CCSER1: variants seen among roughly 807,000 people sequenced by gnomAD.
CCSER1 encodes the protein serine-rich coiled-coil domain-containing protein 1.
CCSER1 carries 41 observed loss-of-function variants against 82.0 expected under a neutral mutation model. That is an observed-to-expected ratio of 0.50 (90% CI 0.39 to 0.65). The LOEUF (loss-of-function observed/expected upper bound fraction) is 0.65. Among genes scored for constraint, CCSER1 ranks in the 30% least tolerant of loss-of-function variants. The probability of loss-of-function intolerance (pLI) is 0.00; values close to 1 mark genes in which losing one functional copy is unlikely to be tolerated. For missense variants in CCSER1, 1,119 were observed against 1,064.2 expected (o/e 1.05, Z -0.72); for synonymous variants, 414 against 383.9 (o/e 1.08, Z -0.92).
chr4:91,088,808 T>C (rs992399107), intron 10 of CCSER1, among the ~76,000 whole-genome samples: 56 of 152,310 alleles, frequency 3.7e-4, no homozygotes, highest in African/African-American at 1.3e-3. Context: ...TTGCAACTCA[T>C]AGAAAAACCT....
intron 5 of CCSER1, among the ~76,000 whole-genome samples, chr4:90,622,035 T>C (rs1722414101): frequency 6.6e-6 from 1 of 152,242 alleles, no homozygotes; most frequent in Admixed American, 6.5e-5. Flanking sequence ...TACTGTAATA[T>C]GTTTTAAAAT....
chr4:90,276,247 TTTCTTTCCTTCCTTCC>T (rs1471941641), intron 1 of CCSER1, among the ~76,000 whole-genome samples: 293 of 99,114 alleles, frequency 3.0e-3, no homozygotes, highest in Middle Eastern at 9.9e-3. Flanking sequence ...TCTTTCTTTC[TTTCTTTCCTTCCTTCC>T]TTCCTTCCTT....
intron 6 of CCSER1, among the ~76,000 whole-genome samples, chr4:90,704,111 C>A (rs538480177): frequency 6.6e-6 from 1 of 152,294 alleles, no homozygotes; most frequent in South Asian, 2.1e-4. Flanking sequence ...GTGGCTGGTA[C>A]CGGTTGTTCC....
intron 6 of CCSER1, among the ~76,000 whole-genome samples, chr4:90,689,243 A>T (rs1282272566): frequency 1.3e-5 from 2 of 152,094 alleles, no homozygotes; most frequent in African/African-American, 4.8e-5. Flanking sequence ...GGGAAGCAGG[A>T]TTCATCCTCT....
intron 5 of CCSER1, among the ~76,000 whole-genome samples, chr4:90,601,838 T>C (rs963609020): frequency 5.3e-5 from 8 of 152,136 alleles, no homozygotes; most frequent in African/African-American, 1.9e-4. Context: ...ATGTTATTTT[T>C]TCCCAGCAGT....
At chr4:90,757,820 A>G (rs147109609) in intron 7 of CCSER1, among the ~76,000 whole-genome samples, 2 of 151,984 alleles carry the variant, frequency 1.3e-5, no homozygotes, top group Non-Finnish European at 2.9e-5. Context: ...AAATCTCAAT[A>G]TTTACTTTTA....
intron 10 of CCSER1, among the ~76,000 whole-genome samples, chr4:91,120,536 C>T (rs1302867253): frequency 6.6e-6 from 1 of 151,942 alleles, no homozygotes; most frequent in East Asian, 1.9e-4. Flanking sequence ...CAGAGGAAAG[C>T]TAAAACATGG....
intron 1 of CCSER1, among the ~76,000 whole-genome samples, chr4:90,156,006 A>C (rs1413328340): frequency 6.6e-6 from 1 of 151,774 alleles, no homozygotes; most frequent in Non-Finnish European, 1.5e-5. Context: ...TCTTGTGGGC[A>C]TTTAGTGCTA....
chr4:90,788,019 C>T (rs1397150832), intron 7 of CCSER1, among the ~76,000 whole-genome samples: 4 of 152,148 alleles, frequency 2.6e-5, no homozygotes, highest in African/African-American at 9.7e-5. Flanking sequence ...AAAATATGCA[C>T]AGATAAGGGT....
At position 91,011,777 on chromosome 4, in the gene CCSER1, G is replaced by T. The variant is rs1056259959; in HGVS notation, c.2173-74173G>T. Among the ~76,000 whole-genome samples, 7 of 134,444 alleles carry T rather than the reference G, an allele frequency of 5.2e-5. 1 individual carries two copies. The highest frequency in any genetic ancestry group is 5.2e-4 in the Admixed American group (7 of 13,564). 88.2% of individuals were successfully genotyped at this position (134,444 alleles called of 152,430 possible). On this transcript the variant is annotated intron_variant, in intron 9 of 10. Coordinates refer to ENST00000509176, the MANE Select transcript of CCSER1 (RefSeq NM_001145065.2). ...TGAGGCACTGTGTAGTGGTGACTCT[G>T]GGCCCTAGGATGGTGGGACTGAGCA...
chr4:91,070,704 T>C (rs944640221), intron 9 of CCSER1, among the ~76,000 whole-genome samples: 1 of 152,132 alleles, frequency 6.6e-6, no homozygotes, highest in Non-Finnish European at 1.5e-5. Context: ...TGCCTGATGA[T>C]CTGAGGTTGA....
chr4:91,202,065 A>C (rs62310737), intron 10 of CCSER1, among the ~76,000 whole-genome samples: 8,239 of 151,886 alleles, frequency 0.054, 441 homozygotes, highest in African/African-American at 0.14. Flanking sequence ...TTTTTGTCTC[A>C]TAAATGCAAT....
At chr4:90,475,570 C>T (rs559424237) in intron 5 of CCSER1, among the ~76,000 whole-genome samples, 38 of 152,286 alleles carry the variant, frequency 2.5e-4, no homozygotes, top group Middle Eastern at 3.4e-3. Context: ...GCACAAGGGA[C>T]AGATGTGGAT....
chr4:91,068,813 T>C (rs990432180), intron 9 of CCSER1, among the ~76,000 whole-genome samples: 4 of 152,330 alleles, frequency 2.6e-5, no homozygotes, highest in African/African-American at 9.6e-5. Context: ...CCACAACTTT[T>C]GTATACTGAT....
At chr4:91,391,915 A>G (rs994418718) in intron 10 of CCSER1, among the ~76,000 whole-genome samples, 1 of 152,248 alleles carries the variant, frequency 6.6e-6, no homozygotes, top group South Asian at 2.1e-4. Flanking sequence ...TTGAAAAATT[A>G]TTATATACAT....
Position 91,242,245 on chromosome 4 carries a change from G to T in CCSER1, c.2217+156251G>T, listed in dbSNP as rs185977582. 4.2e-4 allele frequency among the ~76,000 whole-genome samples: 64 copies of T among 152,326 alleles called. No individual in the cohort carries two copies. The East Asian group carries it at 5.8e-3, about 14-fold the overall frequency. On this transcript the variant is annotated intron_variant, in intron 10 of 10. Coordinates refer to ENST00000509176, the MANE Select transcript of CCSER1 (RefSeq NM_001145065.2). ...CCTAGTAAAGTGGACGGTGTGATTG[G>T]AAGGGAGTAATGAACAAGGCAGAGA...
chr4:90,410,808 A>G (rs941478858), intron 4 of CCSER1, among the ~76,000 whole-genome samples: 10 of 152,168 alleles, frequency 6.6e-5, no homozygotes, highest in Non-Finnish European at 1.3e-4. Flanking sequence ...GACACAAAAA[A>G]CCCTTCAAAA....
rs1168963988 is a variant in CCSER1, at chr4:91,278,092, TC to T, written c.2217+192100del. Among the ~76,000 whole-genome samples, 5 of 152,086 alleles carry T rather than the reference TC, an allele frequency of 3.3e-5. No homozygotes were observed. The East Asian group carries it at 9.6e-4, about 29-fold the overall frequency. ...AAAATTTGTTGGGGCTTGTTTTGTG[TC>T]CTAACATATGGCCTGGAGAATGTTC... On this transcript the variant is annotated intron_variant, in intron 10 of 10. Coordinates refer to ENST00000509176, the MANE Select transcript of CCSER1 (RefSeq NM_001145065.2).
At chr4:90,285,230 CAAGT>C (rs1202434934) in intron 1 of CCSER1, among the ~76,000 whole-genome samples, 4 of 151,902 alleles carry the variant, frequency 2.6e-5, no homozygotes. Context: ...TAGAATTCTT[CAAGT>C]AATATGGGCA....
Sources: gnomAD v4.1 joint callset for allele counts (sites outside exome capture counted in the v4.1 genomes callset) on GRCh38, gnomAD v4.1.1 for gene constraint, MANE v1.5 for transcripts, NCBI Gene and HGNC (gene_info 2026-07-23, HGNC 2026-07-21) for gene names.